APBA2: variants seen among roughly 807,000 people sequenced by gnomAD.
APBA2 encodes the protein amyloid-beta A4 precursor protein-binding family A member 2.
A neutral mutation model predicts 75.0 loss-of-function variants in APBA2; 30 were observed. The ratio of observed to expected loss-of-function variants is 0.40; its 90% CI spans 0.30 to 0.54. APBA2 has a LOEUF of 0.54. Among genes scored for constraint, APBA2 ranks in the 20% least tolerant of loss-of-function variants. The pLI is 0.49. For missense variants in APBA2, 801 were observed against 1,016.1 expected (o/e 0.79, Z 2.88); for synonymous variants, 444 against 409.6 (o/e 1.08, Z -1.01).
intron 6 of APBA2, among the ~76,000 whole-genome samples, chr15:29,082,933 G>A (rs902898110): frequency 1.3e-5 from 2 of 151,906 alleles, no homozygotes; most frequent in Non-Finnish European, 2.9e-5. Context: ...GCAGCAGCAC[G>A]TGCCTGTAAT....
rs192047922 is a variant in APBA2 at position 29,058,450 on chromosome 15, G to C, written c.951+3615G>C. Reference sequence around the variant, plus strand: ...CGCTTGAGCCTGGGAGGCAGAAGCTGCAGTGAGCCGAGATAGCACCACTGC... The same window carrying C: ...CGCTTGAGCCTGGGAGGCAGAAGCTCCAGTGAGCCGAGATAGCACCACTGC... On this transcript the variant is annotated intron_variant, in intron 4 of 14. Coordinates refer to ENST00000683413, the MANE Select transcript of APBA2 (RefSeq NM_001353788.2). Among the ~76,000 whole-genome samples, 26 of 152,188 alleles carry C rather than the reference G, an allele frequency of 1.7e-4. 1 individual carries two copies. The highest frequency in any genetic ancestry group is 1.7e-3 in the Admixed American group (26 of 15,282).
intron 3 of APBA2, among the ~76,000 whole-genome samples, chr15:29,027,231 A>G (rs967496567): frequency 2.6e-5 from 4 of 152,164 alleles, no homozygotes; most frequent in Admixed American, 6.6e-5. Flanking sequence ...ATGGTAATCT[A>G]TTCCTTGAAA....
chr15:28,903,199 T>A (rs1320771000), intron 1 of APBA2, among the ~76,000 whole-genome samples: 1 of 152,206 alleles, frequency 6.6e-6, no homozygotes, highest in African/African-American at 2.4e-5. Flanking sequence ...GAATATGTCC[T>A]GTGATACTTG....
chr15:29,014,370 C>G (rs1338938591), intron 3 of APBA2, among the ~76,000 whole-genome samples: 1 of 152,120 alleles, frequency 6.6e-6, no homozygotes, highest in Non-Finnish European at 1.5e-5. Context: ...TTATTCTTAC[C>G]GAATTCATTT....
At chr15:29,114,505 T>C (rs1344543554) in intron 14 of APBA2, among the ~76,000 whole-genome samples, 1 of 151,908 alleles carries the variant, frequency 6.6e-6, no homozygotes, top group African/African-American at 2.4e-5. Context: ...GGCAGGATCA[T>C]TGGGAGGGGG....
At chr15:29,018,467 A>C (rs1159340414) in intron 3 of APBA2, among the ~76,000 whole-genome samples, 1 of 152,184 alleles carries the variant, frequency 6.6e-6, no homozygotes, top group Admixed American at 6.5e-5. Flanking sequence ...CCTATGAGCA[A>C]GAAGGATGAA....
intron 1 of APBA2, among the ~76,000 whole-genome samples, chr15:28,905,673 A>G (rs193137633): frequency 8.6e-4 from 131 of 152,308 alleles, no homozygotes; most frequent in African/African-American, 3.1e-3. Context: ...CTACAGGTAC[A>G]TGCCACCGCA....
chr15:28,919,955 C>A (rs1236928351), intron 1 of APBA2, among the ~76,000 whole-genome samples: 1 of 152,192 alleles, frequency 6.6e-6, no homozygotes, highest in Non-Finnish European at 1.5e-5. Flanking sequence ...TGACTCCCAG[C>A]CCGATGCTCC....
chr15:28,942,619 G>A (rs1307989847), intron 2 of APBA2, among the ~76,000 whole-genome samples: 3 of 152,178 alleles, frequency 2.0e-5, no homozygotes, highest in South Asian at 4.1e-4. Flanking sequence ...AGACTGCCAG[G>A]GTCTTCCTGC....
In APBA2 at chr15:29,016,285, A is replaced by G. The variant is rs76030012; in HGVS notation, c.-41+20479A>G. On this transcript the variant is annotated intron_variant, in intron 3 of 14. Coordinates refer to ENST00000683413, the MANE Select transcript of APBA2 (RefSeq NM_001353788.2). ...AACAAACAAACAAGCAGACAAACAA[A>G]CATATCTACCTCTGGTCAACACAGA... Among the ~76,000 whole-genome samples the G allele has an allele frequency of 7.4e-3, 1,123 of 152,246 alleles. 21 individuals carry two copies. The highest frequency in any genetic ancestry group is 0.025 in the African/African-American group (1,042 of 41,534).
chr15:28,983,474 A>C (rs2037731747), intron 2 of APBA2, among the ~76,000 whole-genome samples: 1 of 152,152 alleles, frequency 6.6e-6, no homozygotes, highest in Non-Finnish European at 1.5e-5. Context: ...GCATTTGCCA[A>C]TACATTATTT....
intron 1 of APBA2, 56 bp downstream of exon 1, chr15:28,886,334 C>T (rs2031715633): frequency 6.6e-6 from 1 of 151,182 alleles, no homozygotes; most frequent in South Asian, 2.1e-4. Context: ...CTGGGGCCGC[C>T]CGGGGCGCCG....
At chr15:29,037,712 A>G (rs1026045327) in intron 3 of APBA2, among the ~76,000 whole-genome samples, 1 of 152,156 alleles carries the variant, frequency 6.6e-6, no homozygotes, top group African/African-American at 2.4e-5. Context: ...TATAAAGAAA[A>G]GAAGTTTATT....
chr15:29,052,529 C>T (rs2041652338), intron 3 of APBA2, among the ~76,000 whole-genome samples: 2 of 151,956 alleles, frequency 1.3e-5, no homozygotes, highest in Non-Finnish European at 2.9e-5. Flanking sequence ...ATGCTAGCCC[C>T]TTGCTTTCCC....
At chr15:29,077,895 T>A (rs1312300807) in intron 6 of APBA2, among the ~76,000 whole-genome samples, 1 of 152,220 alleles carries the variant, frequency 6.6e-6, no homozygotes, top group Non-Finnish European at 1.5e-5. Context: ...ATATAATGGA[T>A]ATGGGAAAAG....
At chr15:29,076,968 T>C (rs1460008462) in intron 6 of APBA2, among the ~76,000 whole-genome samples, 1 of 152,144 alleles carries the variant, frequency 6.6e-6, no homozygotes, top group African/African-American at 2.4e-5. Flanking sequence ...CAGTTCCAAT[T>C]GGTTGAAACT....
At chr15:28,984,580 T>C (rs1229920513) in intron 2 of APBA2, among the ~76,000 whole-genome samples, 1 of 152,044 alleles carries the variant, frequency 6.6e-6, no homozygotes, top group Non-Finnish European at 1.5e-5. Context: ...AGGGGCGCGC[T>C]GTGGTTACCA....
Position 28,934,708 on chromosome 15 carries a change from G to T in APBA2, c.-95+12959G>T, listed in dbSNP as rs550781271. Among the ~76,000 whole-genome samples the T allele has an allele frequency of 7.9e-5, 12 of 152,308 alleles. No homozygotes were observed. In the East Asian group the frequency reaches 2.1e-3, roughly 27 times the overall value. On this transcript the variant is annotated intron_variant, in intron 2 of 14. Coordinates refer to ENST00000683413, the MANE Select transcript of APBA2 (RefSeq NM_001353788.2). ...CTGGGGCCTCCTCAGAGCCATAGGA[G>T]ATGGTTCACCTCTGAAGGACTGCCC... is the stretch of plus-strand genomic sequence containing the variant.
intron 2 of APBA2, among the ~76,000 whole-genome samples, chr15:28,971,560 A>T (rs2037070912): frequency 6.6e-6 from 1 of 152,182 alleles, no homozygotes; most frequent in African/African-American, 2.4e-5. Context: ...AGTGCATGGG[A>T]TGGGAGAGTC....
Sources: allele counts gnomAD v4.1 joint callset (sites outside exome capture counted in the v4.1 genomes callset), GRCh38; gene constraint gnomAD v4.1.1; transcripts MANE v1.5; gene names NCBI Gene and HGNC (gene_info 2026-07-23, HGNC 2026-07-21).